Variants in DSCAM observed in about 807,000 individuals in gnomAD.
DSCAM encodes DS cell adhesion molecule.
In DSCAM, 47 loss-of-function variants were observed where a neutral mutation model predicts 217.7. The ratio of observed to expected loss-of-function variants is 0.22; its 90% CI spans 0.17 to 0.28. The LOEUF (loss-of-function observed/expected upper bound fraction) is 0.28, where lower values mean the gene tolerates loss of function less well. Ranked by LOEUF, DSCAM falls within the 10% of genes least tolerant of loss-of-function variation. The pLI, the probability that DSCAM is intolerant of heterozygous loss-of-function variation, is 1.00. For synonymous variants in DSCAM, 1,056 were observed against 1,015.3 expected, an observed-to-expected ratio of 1.04 and a Z score of -0.76; for missense variants, 2,080 against 2,618.3, an observed-to-expected ratio of 0.79 and a Z score of 4.49.
intron 16 of DSCAM, among the ~76,000 whole-genome samples, chr21:40,161,639 T>A (rs9305693): frequency 0.013 from 1,913 of 151,940 alleles, 44 homozygotes; most frequent in African/African-American, 0.044. Flanking sequence ...GATTTTGAAA[T>A]TTTTTTTTCT....
chr21:40,536,400 CTTTTT>C lies in DSCAM; in HGVS notation c.508+156405_508+156409del, dbSNP rs35476225. 8.6e-5 allele frequency among the ~76,000 whole-genome samples: 11 copies of C among 127,734 alleles called. No individual in the cohort carries two copies. The South Asian group carries it at 2.5e-3, about 29-fold the overall frequency. 83.8% of individuals were successfully genotyped at this position (127,734 alleles called of 152,430 possible). On this transcript the variant is annotated intron_variant, in intron 3 of 32. Coordinates refer to ENST00000400454, the MANE Select transcript of DSCAM (RefSeq NM_001389.5). ...GAAAACCAAAGCTGACCGGTAGAGT[CTTTTT>C]TTTTTTTTTTTTTTGAGACGGAGTC...
At chr21:40,603,770 C>T (rs1339636223) in intron 3 of DSCAM, among the ~76,000 whole-genome samples, 1 of 151,916 alleles carries the variant, frequency 6.6e-6, no homozygotes, top group African/African-American at 2.4e-5. Flanking sequence ...CACTCTCTTA[C>T]TTGTGTAGCT....
In DSCAM at chr21:40,276,269, A is replaced by G; in HGVS notation, c.2184T>C (p.Gly728=). 2 of 1,582,904 alleles carry G rather than the reference A, an allele frequency of 1.3e-6. No individual in the cohort carries two copies. The highest frequency in any genetic ancestry group is 8.6e-7 in the Non-Finnish European group (1 of 1,167,870). ...VPTIVWKFSK[G]AGVPQFQPIA... is the part of the protein sequence containing the mutation. Reference sequence around the variant, plus strand: ...TTGGCTGGAACTGGGGAACCCCAGCACCTGAGACAGAAAAAGAAAGACGAG... The same window carrying G: ...TTGGCTGGAACTGGGGAACCCCAGCGCCTGAGACAGAAAAAGAAAGACGAG... Residue 728 remains glycine, a splice_region_variant and synonymous_variant, in exon 11 of 33, where the codon GGT becomes GGC. Coordinates refer to ENST00000400454, the MANE Select transcript of DSCAM (RefSeq NM_001389.5).
intron 3 of DSCAM, among the ~76,000 whole-genome samples, chr21:40,585,500 A>G (rs2076939993): frequency 6.6e-6 from 1 of 152,170 alleles, no homozygotes; most frequent in African/African-American, 2.4e-5. Context: ...TAGATCTACA[A>G]GTCTTTTTTA....
intron 9 of DSCAM, among the ~76,000 whole-genome samples, chr21:40,310,318 C>T (rs932614558): frequency 1.3e-5 from 2 of 152,112 alleles, no homozygotes; most frequent in African/African-American, 4.8e-5. Flanking sequence ...CTTAAGCCTC[C>T]CAGGAGATTC....
At position 40,311,342 on chromosome 21, in the gene DSCAM, T is replaced by C. The variant is rs151312355; in HGVS notation, c.2062+739A>G. Among the ~76,000 whole-genome samples, 468 of 152,348 alleles carry C rather than the reference T, an allele frequency of 3.1e-3. 1 individual carries two copies. The highest frequency in any genetic ancestry group is 5.6e-3 in the Non-Finnish European group (384 of 68,032). ...CATCACAGAATGTCTGTGTTTGATA[T>C]ACATTAGAGAACACTAGCAGCTTAT... On this transcript the variant is annotated intron_variant, in intron 9 of 32. Transcript: ENST00000400454.
At chr21:40,813,110 A>G (rs2091852879) in intron 1 of DSCAM, among the ~76,000 whole-genome samples, 1 of 152,232 alleles carries the variant, frequency 6.6e-6, no homozygotes, top group African/African-American at 2.4e-5. Context: ...GAGAAATACA[A>G]AAAGCTCATG....
intron 1 of DSCAM, among the ~76,000 whole-genome samples, chr21:40,768,587 A>T (rs891101762): frequency 3.9e-5 from 6 of 152,266 alleles, no homozygotes; most frequent in Non-Finnish European, 8.8e-5. Flanking sequence ...GCTTCAGTTT[A>T]TTTTCATTAA....
chr21:40,185,450 C>T (rs1568988473), intron 14 of DSCAM, among the ~76,000 whole-genome samples: 1 of 152,126 alleles, frequency 6.6e-6, no homozygotes, highest in Non-Finnish European at 1.5e-5. Flanking sequence ...GGCCTGCCAC[C>T]AGCATCCGGC....
chr21:40,712,355 C>T (rs918083487), intron 1 of DSCAM, among the ~76,000 whole-genome samples: 6 of 150,914 alleles, frequency 4.0e-5, no homozygotes, highest in Non-Finnish European at 1.5e-5. Context: ...CCCAGCTACT[C>T]GGGAGGCTGA....
rs949106100 is a variant in DSCAM at position 40,775,873 on chromosome 21, T to C, written c.44-67102A>G. Among the ~76,000 whole-genome samples, 6 of 152,242 alleles carry C rather than the reference T, an allele frequency of 3.9e-5. No individual in the cohort carries two copies. In the South Asian group the frequency reaches 1.0e-3, roughly 26 times the overall value. ...GATTGCAAATGCGGTGGCGAACCTT[T>C]GCAGTTTTGATTGACTCGTCAAAAG... On this transcript the variant is annotated intron_variant, in intron 1 of 32. Coordinates refer to ENST00000400454, the MANE Select transcript of DSCAM (RefSeq NM_001389.5).
chr21:40,825,314 C>CT (rs869080686), intron 1 of DSCAM, among the ~76,000 whole-genome samples: 3 of 140,014 alleles, frequency 2.1e-5, no homozygotes, highest in Admixed American at 7.4e-5. Context: ...TCCTTCCTTC[C>CT]TTTTTTTCTT....
intron 3 of DSCAM, among the ~76,000 whole-genome samples, chr21:40,377,563 G>C (rs1005765847): frequency 1.2e-4 from 18 of 152,030 alleles, no homozygotes; most frequent in African/African-American, 3.9e-4. Context: ...TTTCAGAAAA[G>C]ATAAGAGCTC....
intron 20 of DSCAM, among the ~76,000 whole-genome samples, chr21:40,098,262 T>C (rs2089708194): frequency 6.6e-6 from 1 of 152,208 alleles, no homozygotes; most frequent in African/African-American, 2.4e-5. Context: ...TTCAAAGATA[T>C]GAAGCTTGGT....
chr21:40,634,663 T>A (rs1481748703), intron 3 of DSCAM, among the ~76,000 whole-genome samples: 2 of 152,198 alleles, frequency 1.3e-5, no homozygotes, highest in African/African-American at 4.8e-5. Context: ...AAAAGAAATA[T>A]TTGGGACATC....
rs372624921 is a variant in DSCAM at position 40,182,550 on chromosome 21, G to A, written c.2780-3456C>T. On this transcript the variant is annotated intron_variant, in intron 14 of 32. Transcript: ENST00000400454. ...GACAGCAGAGGCCAACAGAGAAACCGTGGACAGGAGGGAGGTACCAGAGAA... is the reference window on the plus strand; with the variant it reads ...GACAGCAGAGGCCAACAGAGAAACCATGGACAGGAGGGAGGTACCAGAGAA... Among the ~76,000 whole-genome samples, 20 of 151,078 alleles carry A rather than the reference G, an allele frequency of 1.3e-4. No homozygotes were observed. In the South Asian group the frequency reaches 2.3e-3, roughly 18 times the overall value.
chr21:40,172,973 C>G (rs2090675885), intron 15 of DSCAM, among the ~76,000 whole-genome samples: 1 of 152,002 alleles, frequency 6.6e-6, no homozygotes, highest in Non-Finnish European at 1.5e-5. Flanking sequence ...TAGCTGGTGC[C>G]CAGATGGGGA....
intron 3 of DSCAM, among the ~76,000 whole-genome samples, chr21:40,443,827 A>T (rs1172504059): frequency 6.6e-6 from 1 of 152,176 alleles, no homozygotes; most frequent in African/African-American, 2.4e-5. Flanking sequence ...TAAAGTTTTA[A>T]TTATTCTACC....
chr21:40,084,112 G>T (rs1473350939), intron 23 of DSCAM, 106 bp from the exon 24 acceptor site: 2 of 869,740 alleles, frequency 2.3e-6, no homozygotes, highest in South Asian at 1.8e-5. Context: ...TATTAAATAA[G>T]TGTTTCAGTT....
Sources: allele counts gnomAD v4.1 joint callset (sites outside exome capture counted in the v4.1 genomes callset), GRCh38; gene constraint gnomAD v4.1.1; transcripts MANE v1.5; gene names NCBI Gene and HGNC (gene_info 2026-07-23, HGNC 2026-07-21).